Variants in CDKN2C observed in about 807,000 individuals in gnomAD.
CDKN2C encodes the protein cyclin-dependent kinase 4 inhibitor C.
A neutral mutation model predicts 11.0 loss-of-function variants in CDKN2C; 5 were observed. That is an observed-to-expected ratio of 0.45 (90% CI 0.24 to 0.95). The LOEUF is 0.95. CDKN2C is among the 40% of genes least tolerant of loss of function. The pLI is 0.21. For synonymous variants in CDKN2C, 79 were observed against 88.3 expected, an observed-to-expected ratio of 0.89 and a Z score of 0.59; for missense variants, 161 against 211.9, an observed-to-expected ratio of 0.76 and a Z score of 1.49.
chr1:50,967,668 T>C (rs1645353975), upstream of CDKN2C, among the ~76,000 whole-genome samples: 1 of 152,170 alleles, frequency 6.6e-6, no homozygotes, highest in South Asian at 2.1e-4. Flanking sequence ...AGTATAAAAA[T>C]ACAGAAAGCA....
chr1:50,969,765 AG>A (rs1645369345), upstream of CDKN2C: 1 of 181,020 alleles, frequency 5.5e-6, no homozygotes, highest in South Asian at 1.8e-4. This position sits in a 1 kb window ranked among gnomAD's most constrained non-coding sequence, Gnocchi z 6.6. Flanking sequence ...GTCAGCATCC[AG>A]CCACCGCGGC....
chr1:50,964,827 G>A (rs1645339544), intron 1 of CDKN2C, among the ~76,000 whole-genome samples: 1 of 152,170 alleles, frequency 6.6e-6, no homozygotes, highest in Non-Finnish European at 1.5e-5. Flanking sequence ...AGGCCAAGGT[G>A]GGCGGATCAT....
intron 1 of CDKN2C, among the ~76,000 whole-genome samples, chr1:50,963,108 C>G (rs944204376): frequency 4.6e-5 from 7 of 152,144 alleles, no homozygotes; most frequent in Non-Finnish European, 8.8e-5. Context: ...TTCTCAGGAC[C>G]ACCCCTTTCA....
upstream of CDKN2C, chr1:50,969,119 G>A (rs1028450464): frequency 1.3e-5 from 2 of 152,506 alleles, no homozygotes; most frequent in African/African-American, 2.4e-5. The surrounding 1 kb of genome is among the most constrained non-coding windows in gnomAD (Gnocchi z 6.6). Flanking sequence ...GTGGCACCGG[G>A]CGCCGAGGCT....
chr1:50,969,348 G>C (rs866655720), upstream of CDKN2C: 1 of 152,410 alleles, frequency 6.6e-6, no homozygotes, highest in Non-Finnish European at 1.5e-5. The surrounding 1 kb of genome is among the most constrained non-coding windows in gnomAD (Gnocchi z 6.6). Context: ...GTTCCCGGGG[G>C]GGCTGCCCAG....
upstream of CDKN2C, among the ~76,000 whole-genome samples, chr1:50,966,398 T>C (rs2124776156): frequency 6.6e-6 from 1 of 152,330 alleles, no homozygotes; most frequent in South Asian, 2.1e-4. Flanking sequence ...TTTCCATGAC[T>C]GTTAATATTT....
chr1:50,965,401 G>A (rs1156501621), upstream of CDKN2C, among the ~76,000 whole-genome samples: 2 of 152,042 alleles, frequency 1.3e-5, no homozygotes, highest in African/African-American at 4.8e-5. Context: ...AGGAGGCTGA[G>A]GCAGGAGAAT....
rs2147958633 is a variant in CDKN2C at position 50,974,185 on chromosome 1, G to C, written c.422G>C (p.Cys141Ser). The C allele has an allele frequency of 6.2e-7, 1 of 1,613,104 alleles. No individual in the cohort carries two copies. Among genetic ancestry groups the C allele is most frequent in the Non-Finnish European group, 8.5e-7 (1 of 1,179,216 alleles). Residue 141 changes from cysteine to serine, a missense_variant, in exon 2 of 2, where the codon TGT becomes TCT. Cys to Ser is a moderately radical substitution (Grantham distance 112). Transcript: ENST00000371761. ...CGGAACCATAAGGGGGACACCGCCT[G>C]TGATTTGGCCAGGCTCTATGGGAGG... ...GHRNHKGDTA[C>S]DLARLYGRNE...
chr1:50,961,041 T>G (rs893223185), intron 1 of CDKN2C, among the ~76,000 whole-genome samples: 4 of 151,856 alleles, frequency 2.6e-5, no homozygotes, highest in Admixed American at 2.6e-4. Flanking sequence ...TTTATTTATT[T>G]ATTTATTATT....
In CDKN2C at chr1:50,970,295, T is replaced by G. The variant is rs1425244753; in HGVS notation, c.-74T>G. Reference sequence around the variant, plus strand: ...CAGTCTCCGATGCCATCATGCAGCCTGGTTAGGAGCAAAGGAAAGGGGAAA... The same window carrying G: ...CAGTCTCCGATGCCATCATGCAGCCGGGTTAGGAGCAAAGGAAAGGGGAAA... On this transcript the variant is annotated 5_prime_UTR_variant, in exon 1 of 2. Coordinates refer to ENST00000371761, the MANE Select transcript of CDKN2C (RefSeq NM_078626.3). 3.2e-6 allele frequency: 5 copies of G among 1,584,150 alleles called. No homozygotes were observed. Among genetic ancestry groups the G allele is most frequent in the Non-Finnish European group, 2.6e-6 (3 of 1,161,180 alleles).
At chr1:50,965,501 A>T (rs945253607), upstream of CDKN2C, among the ~76,000 whole-genome samples, 7 of 152,134 alleles carry the variant, frequency 4.6e-5, no homozygotes, top group Non-Finnish European at 1.5e-5. Flanking sequence ...GTCTCAAAAA[A>T]AAAAGAACTT....
upstream of CDKN2C, among the ~76,000 whole-genome samples, chr1:50,965,386 T>C (rs1456034429): frequency 6.6e-6 from 1 of 151,758 alleles, no homozygotes; most frequent in Non-Finnish European, 1.5e-5. Context: ...TAATCCCAGC[T>C]ACTCAGGAGG....
chr1:50,974,148 A>T lies in CDKN2C; in HGVS notation c.385A>T (p.Asn129Tyr). Residue 129 changes from asparagine to tyrosine, a missense_variant, in exon 2 of 2, where the codon AAT (asparagine) becomes TAT (tyrosine). Physicochemically the swap from Asn to Tyr is moderately radical, Grantham distance 143 (BLOSUM62 -2). Coordinates refer to ENST00000371761, the MANE Select transcript of CDKN2C (RefSeq NM_078626.3). ...GTTCCTGGTGAAGCACACGGCCAGC[A>T]ATGTGGGGCATCGGAACCATAAGGG... The part of the protein sequence containing the change: ...VEFLVKHTAS[N>Y]VGHRNHKGDT... 6.2e-7 allele frequency: 1 copy of T among 1,614,184 alleles called. No individual in the cohort carries two copies. Among genetic ancestry groups the T allele is most frequent in the Non-Finnish European group, 8.5e-7 (1 of 1,180,030 alleles).
At position 50,974,032 on chromosome 1, in the gene CDKN2C, T is replaced by C; in HGVS notation, c.269T>C (p.Leu90Pro). 1 of 1,614,180 alleles carries C rather than the reference T, an allele frequency of 6.2e-7. No individual in the cohort carries two copies. Among genetic ancestry groups the C allele is most frequent in the Non-Finnish European group, 8.5e-7 (1 of 1,180,026 alleles). ...AGFLDTLQTL[L>P]EFQADVNIED... is the part of the protein sequence containing the mutation. ...TTCCTGGACACTTTACAGACTTTGC[T>C]GGAGTTTCAAGCTGATGTTAACATC... Residue 90 changes from leucine to proline, a missense_variant, in exon 2 of 2, where the codon CTG becomes CCG. Physicochemically the swap from Leu to Pro is moderately conservative, Grantham distance 98. Transcript: ENST00000371761.
rs1345788832 is a variant in CDKN2C at position 50,974,369 on chromosome 1, T to C, written c.*99T>C. ...TTTGTTAAAATACAGTTCTGTCATA[T>C]GTTAAGCAGCTAAATTTTCTGAAAC... On this transcript the variant is annotated 3_prime_UTR_variant, in exon 2 of 2. Transcript: ENST00000371761. 3 of 1,250,512 alleles carry C rather than the reference T, an allele frequency of 2.4e-6. No individual in the cohort carries two copies. The highest frequency in any genetic ancestry group is 2.8e-5 in the Admixed American group (1 of 35,388). 77.5% of individuals were successfully genotyped at this position (1,250,512 alleles called of 1,614,324 possible).
intron 1 of CDKN2C, among the ~76,000 whole-genome samples, chr1:50,972,163 C>T (rs1160334874): frequency 6.6e-6 from 1 of 152,074 alleles, no homozygotes; most frequent in Admixed American, 6.5e-5. Context: ...GTTTGCTTTA[C>T]GAAGATCCAA....
upstream of CDKN2C, chr1:50,969,003 C>G (rs1645364318): frequency 6.5e-6 from 1 of 153,574 alleles, no homozygotes; most frequent in Non-Finnish European, 1.4e-5. The surrounding 1 kb of genome is among the most constrained non-coding windows in gnomAD (Gnocchi z 6.6). Flanking sequence ...GCGGTGCGGC[C>G]AAGGAGGAAG....
upstream of CDKN2C, chr1:50,968,653 G>A (rs572531142): frequency 6.6e-6 from 1 of 152,316 alleles, no homozygotes; most frequent in Admixed American, 6.5e-5. Context: ...GGAGGGCGGG[G>A]CGTGGGCGGC....
intron 1 of CDKN2C, among the ~76,000 whole-genome samples, chr1:50,962,883 A>C (rs1193082681): frequency 6.6e-6 from 1 of 152,258 alleles, no homozygotes; most frequent in Admixed American, 6.5e-5. Flanking sequence ...TTGGTATCAC[A>C]CTAACATAAA....
Sources: gnomAD v4.1 joint callset for allele counts (sites outside exome capture counted in the v4.1 genomes callset) on GRCh38, gnomAD v4.1.1 for gene constraint, Gnocchi (gnomAD v3.1) non-coding constraint, MANE v1.5 for transcripts, NCBI Gene and HGNC (gene_info 2026-07-23, HGNC 2026-07-21) for gene names.